FHIT: variants seen among roughly 807,000 people sequenced by gnomAD.
The protein encoded by FHIT is bis(5'-adenosyl)-triphosphatase.
Under a neutral mutation model 17.9 loss-of-function variants are expected in FHIT, and 19 were observed. That is an observed-to-expected ratio of 1.06 (90% confidence interval 0.74 to 1.56). The LOEUF is 1.56. FHIT is among the 40% of genes most tolerant of loss of function. The probability of loss-of-function intolerance (pLI) is 0.00; values close to 1 mark genes in which losing one functional copy is unlikely to be tolerated. For synonymous variants in FHIT, 81 were observed against 69.7 expected (o/e 1.16, Z -0.81); for missense variants, 248 against 189.2 (o/e 1.31, Z -1.82).
rs546540757 is a variant in FHIT at position 60,225,641 on chromosome 3, A to G, written c.104-211489T>C. ...AAAATCAGAAGGGAGATTTGAGTAG[A>G]CGCTTACTTCTCAACAGGCTGTTCT... On this transcript the variant is annotated intron_variant, in intron 5 of 9. Transcript: ENST00000492590. Among the ~76,000 whole-genome samples, 5 of 152,276 alleles carry G rather than the reference A, an allele frequency of 3.3e-5. No individual in the cohort carries two copies. The South Asian group carries it at 1.0e-3, about 32-fold the overall frequency.
intron 5 of FHIT, among the ~76,000 whole-genome samples, chr3:60,205,452 C>G (rs988708409): frequency 2.6e-5 from 4 of 152,142 alleles, no homozygotes. Context: ...TAACTTTTAT[C>G]TAACACTGGG....
rs556106686 is a variant in FHIT, at chr3:61,119,495, C to A, written c.-163-77396G>T. ...TCCCAAAGTGCTGGGATTACAGGCA[C>A]AAGCCACCGTGCCCAGCCTGTTATA... On this transcript the variant is annotated intron_variant, in intron 2 of 9. Coordinates refer to ENST00000492590, the MANE Select transcript of FHIT (RefSeq NM_002012.4). Among the ~76,000 whole-genome samples the A allele has an allele frequency of 5.9e-5, 9 of 152,164 alleles. No homozygotes were observed. In the South Asian group the frequency reaches 1.9e-3, roughly 32 times the overall value.
intron 4 of FHIT, among the ~76,000 whole-genome samples, chr3:60,679,905 T>C (rs1372398662): frequency 6.6e-6 from 1 of 152,190 alleles, no homozygotes; most frequent in Non-Finnish European, 1.5e-5. Flanking sequence ...ACTCAACATA[T>C]ATTTATAGTT....
chr3:60,527,652 G>A (rs1472091876), intron 5 of FHIT, among the ~76,000 whole-genome samples: 2 of 152,120 alleles, frequency 1.3e-5, no homozygotes, highest in Non-Finnish European at 2.9e-5. Context: ...AAATGATAAT[G>A]AAGCTTACAA....
rs186387475 is a variant in FHIT, at chr3:60,033,671, A to C, written c.104-19519T>G. Among the ~76,000 whole-genome samples, 88 of 152,364 alleles carry C rather than the reference A, an allele frequency of 5.8e-4. No homozygotes were observed. In the East Asian group the frequency reaches 0.012, roughly 20 times the overall value. On this transcript the variant is annotated intron_variant, in intron 5 of 9. Transcript: ENST00000492590. ...AGCAAAAACTCAAGTGGATAAATGA[A>C]GCAAGTGTGGCAAAATCCGAATGAC... is the stretch of plus-strand genomic sequence containing the variant.
At chr3:59,966,660 A>G (rs1263013644) in intron 7 of FHIT, among the ~76,000 whole-genome samples, 2 of 152,216 alleles carry the variant, frequency 1.3e-5, no homozygotes, top group Non-Finnish European at 2.9e-5. Flanking sequence ...AAGATACAGT[A>G]AAACTATGGT....
chr3:60,313,055 C>T (rs975697978), intron 5 of FHIT, among the ~76,000 whole-genome samples: 1 of 152,104 alleles, frequency 6.6e-6, no homozygotes, highest in Non-Finnish European at 1.5e-5. Flanking sequence ...TTTATTTTCT[C>T]CAAGGTCATC....
chr3:59,969,361 A>G (rs896522015), intron 7 of FHIT, among the ~76,000 whole-genome samples: 2 of 152,144 alleles, frequency 1.3e-5, no homozygotes, highest in African/African-American at 2.4e-5. Context: ...TTCTTTTCTC[A>G]AAGAAAGCTT....
chr3:60,431,036 A>C (rs1576641490), intron 5 of FHIT, among the ~76,000 whole-genome samples: 1 of 151,918 alleles, frequency 6.6e-6, no homozygotes, highest in Admixed American at 6.6e-5. Flanking sequence ...ACATGGTGAA[A>C]CCCTGTCTCT....
chr3:59,993,839 C>G (rs1183533259), intron 7 of FHIT, among the ~76,000 whole-genome samples: 1 of 151,988 alleles, frequency 6.6e-6, no homozygotes, highest in Non-Finnish European at 1.5e-5. Flanking sequence ...TTAACCTCAT[C>G]TTTAACATGG....
chr3:60,998,170 A>G (rs1003486604), intron 3 of FHIT, among the ~76,000 whole-genome samples: 1 of 152,188 alleles, frequency 6.6e-6, no homozygotes, highest in Non-Finnish European at 1.5e-5. Flanking sequence ...ACTATTAACA[A>G]CTGACATCAC....
At chr3:60,263,160 C>G (rs1178367584) in intron 5 of FHIT, among the ~76,000 whole-genome samples, 1 of 151,892 alleles carries the variant, frequency 6.6e-6, no homozygotes, top group African/African-American at 2.4e-5. Context: ...TGCTACACAG[C>G]TAAATAGAAT....
intron 5 of FHIT, among the ~76,000 whole-genome samples, chr3:60,206,149 A>AAAAT (rs1703170750): frequency 1.1e-5 from 1 of 94,142 alleles, no homozygotes; most frequent in African/African-American, 4.8e-5. Context: ...AAAAAAAAAT[A>AAAAT]AATAATAATA....
chr3:60,794,545 T>C (rs1202222044), intron 4 of FHIT, among the ~76,000 whole-genome samples: 1 of 152,202 alleles, frequency 6.6e-6, no homozygotes, highest in Non-Finnish European at 1.5e-5. Context: ...TAGCTATTTA[T>C]GGATGGATTG....
chr3:61,214,549 T>G (rs1173757042), intron 1 of FHIT, among the ~76,000 whole-genome samples: 2 of 152,052 alleles, frequency 1.3e-5, no homozygotes, highest in African/African-American at 2.4e-5. Context: ...CAGGACCAGA[T>G]GGATTCACAG....
intron 5 of FHIT, among the ~76,000 whole-genome samples, chr3:60,042,685 TAC>T (rs1701489699): frequency 6.6e-6 from 1 of 152,092 alleles, no homozygotes; most frequent in South Asian, 2.1e-4. Context: ...CGTCTCCAGA[TAC>T]ACTCACATTC....
chr3:61,229,917 C>G (rs538518296), intron 1 of FHIT, among the ~76,000 whole-genome samples: 17 of 152,184 alleles, frequency 1.1e-4, no homozygotes, highest in African/African-American at 4.1e-4. Context: ...CATCCACTAG[C>G]CTTCCTTCTA....
intron 5 of FHIT, among the ~76,000 whole-genome samples, chr3:60,443,852 T>C (rs1222353656): frequency 6.6e-6 from 1 of 152,066 alleles, no homozygotes; most frequent in Non-Finnish European, 1.5e-5. Flanking sequence ...GGGATCCAAT[T>C]AAACTAAAGA....
At chr3:60,332,887 AC>A (rs1710054524) in intron 5 of FHIT, among the ~76,000 whole-genome samples, 1 of 152,118 alleles carries the variant, frequency 6.6e-6, no homozygotes, top group Non-Finnish European at 1.5e-5. Context: ...TTATCTCAAA[AC>A]CTGCATTGGC....
Sources: allele counts gnomAD v4.1 joint callset (sites outside exome capture counted in the v4.1 genomes callset), GRCh38; gene constraint gnomAD v4.1.1; transcripts MANE v1.5; gene names NCBI Gene and HGNC (gene_info 2026-07-23, HGNC 2026-07-21).